Variants in STAG1 observed in about 807,000 individuals in gnomAD.
STAG1 encodes STAG1 cohesin complex component, also known as cohesin subunit SA-1.
Under a neutral mutation model 170.9 loss-of-function variants are expected in STAG1, and 26 were observed. The ratio of observed to expected loss-of-function variants is 0.15; its 90% CI spans 0.11 to 0.21. STAG1 has a LOEUF of 0.21. STAG1 is among the 10% of genes least tolerant of loss of function. The pLI, the probability that STAG1 is intolerant of heterozygous loss-of-function variation, is 1.00. For missense variants in STAG1, 964 were observed against 1,509.5 expected (o/e 0.64, Z 5.99); for synonymous variants, 514 against 497.7 (o/e 1.03, Z -0.44).
At chr3:136,569,483 T>C (rs1313018519) in intron 4 of STAG1, among the ~76,000 whole-genome samples, 2 of 149,680 alleles carry the variant, frequency 1.3e-5, no homozygotes, top group Non-Finnish European at 3.0e-5. Flanking sequence ...AAGACTAAAA[T>C]ATATTTGTTG....
At chr3:136,631,793 G>T (rs564175733) in intron 1 of STAG1, among the ~76,000 whole-genome samples, 2 of 152,020 alleles carry the variant, frequency 1.3e-5, no homozygotes, top group African/African-American at 2.4e-5. Context: ...CCATTATACC[G>T]TATCAAATGG....
chr3:136,640,451 C>G (rs1029376466), intron 1 of STAG1, among the ~76,000 whole-genome samples: 12 of 151,960 alleles, frequency 7.9e-5, no homozygotes, highest in African/African-American at 2.7e-4. Flanking sequence ...TCACTGCAAC[C>G]TCCACCTCCC....
At chr3:136,351,550 C>A (rs573133641) in intron 28 of STAG1, among the ~76,000 whole-genome samples, 1 of 152,140 alleles carries the variant, frequency 6.6e-6, no homozygotes, top group African/African-American at 2.4e-5. Flanking sequence ...AAGCCACATA[C>A]GGATCTATCA....
chr3:136,359,409 C>G, intron 26 of STAG1, 113 bp from the exon 27 acceptor site: 1 of 714,986 alleles, frequency 1.4e-6, no homozygotes. Flanking sequence ...TGTTTCTCTT[C>G]TTGCATTGAA....
chr3:136,626,232 C>T (rs535493342), intron 2 of STAG1, among the ~76,000 whole-genome samples: 112 of 152,200 alleles, frequency 7.4e-4, no homozygotes, highest in Admixed American at 1.3e-3. Context: ...TCGAGACCTA[C>T]CTGGCCAACA....
At chr3:136,657,876 T>C (rs1242047755) in intron 1 of STAG1, among the ~76,000 whole-genome samples, 2 of 152,132 alleles carry the variant, frequency 1.3e-5, no homozygotes, top group Admixed American at 1.3e-4. Context: ...TAGAATGCAA[T>C]AGTAGCTATG....
intron 23 of STAG1, among the ~76,000 whole-genome samples, chr3:136,369,823 T>C (rs1168776704): frequency 1.3e-5 from 2 of 152,200 alleles, no homozygotes; most frequent in African/African-American, 4.8e-5. Flanking sequence ...ATATACATGA[T>C]GGTGGATCCC....
chr3:136,545,337 G>C (rs774432167), intron 5 of STAG1, among the ~76,000 whole-genome samples: 14 of 152,054 alleles, frequency 9.2e-5, no homozygotes, highest in Non-Finnish European at 1.8e-4. Context: ...CAAACTGCTG[G>C]GATTACAGGC....
At chr3:136,405,148 C>T (rs1455804933) in intron 21 of STAG1, among the ~76,000 whole-genome samples, 2 of 148,952 alleles carry the variant, frequency 1.3e-5, no homozygotes, top group Non-Finnish European at 3.0e-5. Context: ...AAAAAATGAG[C>T]ATTTAGATGC....
chr3:136,512,442 T>A (rs1934118283), intron 7 of STAG1, among the ~76,000 whole-genome samples: 1 of 152,204 alleles, frequency 6.6e-6, no homozygotes, highest in East Asian at 1.9e-4. Context: ...TAATAAGCAA[T>A]TAAATCCCCA....
intron 10 of STAG1, 84 bp downstream of exon 10, chr3:136,477,205 A>C: frequency 2.1e-6 from 3 of 1,429,082 alleles, no homozygotes; most frequent in Non-Finnish European, 2.8e-6. Flanking sequence ...CTCCTGAAAA[A>C]TCAACTACTG....
intron 1 of STAG1, among the ~76,000 whole-genome samples, chr3:136,644,399 C>G (rs1302503197): frequency 6.6e-6 from 1 of 152,046 alleles, no homozygotes; most frequent in Non-Finnish European, 1.5e-5. Context: ...TGCCAGCTGC[C>G]CAAGGCAATC....
chr3:136,737,885 T>A (rs184803343), intron 1 of STAG1, among the ~76,000 whole-genome samples: 95 of 151,722 alleles, frequency 6.3e-4, no homozygotes, highest in African/African-American at 2.2e-3. Flanking sequence ...CTGACTAACA[T>A]GGTGAAACCC....
rs1335478728 is a variant in STAG1 at position 136,422,428 on chromosome 3, C to T, written c.2019G>A (p.Val673=). The part of the protein sequence containing the change: ...DEFVDRFNHS[V]EDLLQEGEEA... ...AACAGACCTCTTGCAATAGGTCTTC[C>T]ACAGAATGATTGAATCGATCTACAA... is the stretch of plus-strand genomic sequence containing the variant. The change falls in exon 19 of 34, where the codon GTG becomes GTA. Residue 673 remains valine (V), a synonymous_variant. Transcript: ENST00000383202. The T allele has an allele frequency of 5.0e-6, 8 of 1,613,926 alleles. No individual in the cohort carries two copies. The highest frequency in any genetic ancestry group is 5.9e-6 in the Non-Finnish European group (7 of 1,179,966).
intron 21 of STAG1, among the ~76,000 whole-genome samples, chr3:136,400,994 T>C (rs1451984192): frequency 6.6e-6 from 1 of 152,108 alleles, no homozygotes; most frequent in Non-Finnish European, 1.5e-5. Flanking sequence ...TATGAAAAAA[T>C]CCAGTCTCAC....
At chr3:136,384,523 C>G (rs993621412) in intron 22 of STAG1, among the ~76,000 whole-genome samples, 1 of 150,602 alleles carries the variant, frequency 6.6e-6, no homozygotes, top group African/African-American at 2.4e-5. Flanking sequence ...AATCTTAGCA[C>G]TTTGGGAGGC....
At chr3:136,399,238 AAC>A (rs1052066342) in intron 21 of STAG1, among the ~76,000 whole-genome samples, 35 of 152,332 alleles carry the variant, frequency 2.3e-4, no homozygotes, top group African/African-American at 6.0e-4. Context: ...TTAATGTGAA[AAC>A]AGTCATATCA....
At chr3:136,457,556 G>T (rs2089152515) in intron 13 of STAG1, among the ~76,000 whole-genome samples, 1 of 152,032 alleles carries the variant, frequency 6.6e-6, no homozygotes, top group Non-Finnish European at 1.5e-5. Context: ...TTGGCCCCCT[G>T]GACCCACTTT....
intron 1 of STAG1, among the ~76,000 whole-genome samples, chr3:136,664,471 T>C (rs925958546): frequency 2.0e-5 from 3 of 152,092 alleles, no homozygotes; most frequent in Admixed American, 6.6e-5. Flanking sequence ...ATTTTAGCAA[T>C]TGGGGGTACC....
Sources: gnomAD v4.1 joint callset for allele counts (sites outside exome capture counted in the v4.1 genomes callset) on GRCh38, gnomAD v4.1.1 for gene constraint, MANE v1.5 for transcripts, NCBI Gene and HGNC (gene_info 2026-07-23, HGNC 2026-07-21) for gene names.